KCNK10: variants seen among roughly 807,000 people sequenced by gnomAD.
KCNK10 encodes the protein potassium channel subfamily K member 10.
Under a neutral mutation model 47.7 loss-of-function variants are expected in KCNK10, and 25 were observed. That is an observed-to-expected ratio of 0.52 (90% CI 0.38 to 0.73). KCNK10 has a LOEUF of 0.73. KCNK10 is among the 30% of genes least tolerant of loss of function. KCNK10 has a pLI of 0.00. For synonymous variants in KCNK10, 303 were observed against 285.6 expected (o/e 1.06, Z -0.61); for missense variants, 563 against 714.5 (o/e 0.79, Z 2.42).
At position 88,323,005 on chromosome 14, in the gene KCNK10, C is replaced by A. The variant is rs999506725; in HGVS notation, c.-207G>T. The stretch of plus-strand genomic sequence containing the variant: ...CTGGAGAGGGCTTGGGTGTTTGCAC[C>A]GGCCAGGGGGTGGCCGGCCGCGGCC... On this transcript the variant is annotated 5_prime_UTR_variant, in exon 1 of 7. Transcript: ENST00000319231. 2.2e-6 allele frequency: 3 copies of A among 1,388,626 alleles called. No individual in the cohort carries two copies. The highest frequency in any genetic ancestry group is 2.9e-5 in the African/African-American group (2 of 68,514). 86.0% of individuals were successfully genotyped at this position (1,388,626 alleles called of 1,614,324 possible). A position where few individuals can be genotyped will look rare whatever the true frequency, so the allele number is the denominator to read the frequency against.
intron 6 of KCNK10, 54 bp downstream of exon 6, chr14:88,187,913 G>A (rs1343192548): frequency 2.5e-6 from 4 of 1,602,060 alleles, no homozygotes; most frequent in Non-Finnish European, 2.6e-6. Flanking sequence ...GGCAATTCTG[G>A]ACACAAGCTC....
chr14:88,194,909 G>A (rs1002647155), intron 4 of KCNK10, among the ~76,000 whole-genome samples: 1 of 152,010 alleles, frequency 6.6e-6, no homozygotes, highest in Non-Finnish European at 1.5e-5. Flanking sequence ...TGTGTGTGTA[G>A]GTGTATGAAA....
At chr14:88,323,398 C>T, upstream of KCNK10, 3 of 680,814 alleles carry the variant, frequency 4.4e-6, no homozygotes, top group Non-Finnish European at 5.4e-6. Flanking sequence ...GGTGGCGCGG[C>T]GCCCGGGCAG....
At chr14:88,298,923 G>A (rs922741889) in intron 1 of KCNK10, among the ~76,000 whole-genome samples, 1 of 152,040 alleles carries the variant, frequency 6.6e-6, no homozygotes, top group Non-Finnish European at 1.5e-5. Context: ...CCTCTCTGTT[G>A]TCATGATGAT....
At chr14:88,223,710 G>A (rs1376777857) in intron 4 of KCNK10, among the ~76,000 whole-genome samples, 2 of 152,114 alleles carry the variant, frequency 1.3e-5, no homozygotes, top group African/African-American at 4.8e-5. Flanking sequence ...AGGCGTTTTT[G>A]TTTGTTTGTT....
intron 1 of KCNK10, among the ~76,000 whole-genome samples, chr14:88,274,458 G>A (rs1202878015): frequency 2.0e-5 from 3 of 147,080 alleles, no homozygotes; most frequent in Non-Finnish European, 4.5e-5. Context: ...CTACTCAGGA[G>A]GCTGAGGCAG....
chr14:88,320,638 C>T (rs190635630), intron 1 of KCNK10, among the ~76,000 whole-genome samples: 32 of 152,296 alleles, frequency 2.1e-4, no homozygotes, highest in African/African-American at 7.2e-4. Context: ...CTTCACTTCA[C>T]TTCCACACAT....
chr14:88,187,343 G>T (rs1300824198), intron 6 of KCNK10, among the ~76,000 whole-genome samples: 1 of 151,394 alleles, frequency 6.6e-6, no homozygotes, highest in Non-Finnish European at 1.5e-5. Context: ...TCCTAAGAGA[G>T]CTACATGAAT....
chr14:88,190,091 T>C (rs1239291162), intron 5 of KCNK10, among the ~76,000 whole-genome samples: 1 of 152,196 alleles, frequency 6.6e-6, no homozygotes, highest in Non-Finnish European at 1.5e-5. Flanking sequence ...GGTAAAGTAC[T>C]AGTTTGTACT....
chr14:88,253,710 G>A (rs1886862328), intron 2 of KCNK10, among the ~76,000 whole-genome samples: 1 of 152,084 alleles, frequency 6.6e-6, no homozygotes, highest in Non-Finnish European at 1.5e-5. Context: ...GACCAGTCTG[G>A]CCAACCTGGC....
chr14:88,225,676 A>T (rs1055214147), intron 4 of KCNK10, among the ~76,000 whole-genome samples: 2 of 152,238 alleles, frequency 1.3e-5, no homozygotes, highest in African/African-American at 2.4e-5. Flanking sequence ...AGCTCTAAAG[A>T]AGCTACATAA....
upstream of KCNK10, chr14:88,323,742 A>T (rs1192713437): frequency 6.6e-6 from 1 of 152,196 alleles, no homozygotes; most frequent in Non-Finnish European, 1.5e-5. Context: ...AAGGCGCTGC[A>T]GGAGGCGGAG....
chr14:88,205,434 G>C (rs1445823334), intron 4 of KCNK10, among the ~76,000 whole-genome samples: 1 of 151,854 alleles, frequency 6.6e-6, no homozygotes, highest in Non-Finnish European at 1.5e-5. Context: ...TGCTCAACCT[G>C]CATCACTGTC....
At chr14:88,249,342 G>A (rs987845455) in intron 2 of KCNK10, among the ~76,000 whole-genome samples, 7 of 152,142 alleles carry the variant, frequency 4.6e-5, no homozygotes, top group Non-Finnish European at 7.4e-5. Flanking sequence ...GTTTTAGATC[G>A]AAAAGGGTGA....
chr14:88,231,903 G>T (rs1222437186), intron 3 of KCNK10, among the ~76,000 whole-genome samples: 4 of 152,190 alleles, frequency 2.6e-5, no homozygotes, highest in Non-Finnish European at 5.9e-5. Flanking sequence ...AAGGAGTAGC[G>T]CTGCTTTTCA....
chr14:88,191,004 TG>T (rs1884726593), intron 5 of KCNK10, among the ~76,000 whole-genome samples: 2 of 152,218 alleles, frequency 1.3e-5, no homozygotes, highest in African/African-American at 4.8e-5. Context: ...CCCAGCACTT[TG>T]GCAGGCCGAT....
At chr14:88,296,324 C>T (rs1887983497) in intron 1 of KCNK10, among the ~76,000 whole-genome samples, 1 of 152,114 alleles carries the variant, frequency 6.6e-6, no homozygotes, top group Non-Finnish European at 1.5e-5. Flanking sequence ...CTCTCTGAGC[C>T]CCAGTTTTAC....
chr14:88,301,039 A>T (rs1008163131), intron 1 of KCNK10, among the ~76,000 whole-genome samples: 1 of 152,204 alleles, frequency 6.6e-6, no homozygotes, highest in African/African-American at 2.4e-5. Context: ...GACCTTGTGG[A>T]AATTTATTTA....
intron 4 of KCNK10, among the ~76,000 whole-genome samples, chr14:88,221,361 A>G (rs558989477): frequency 6.6e-6 from 1 of 151,206 alleles, no homozygotes; most frequent in Admixed American, 6.6e-5. Context: ...TCTCAACAAT[A>G]AAGAAACAAA....
Sources: gnomAD v4.1 joint callset for allele counts (sites outside exome capture counted in the v4.1 genomes callset) on GRCh38, gnomAD v4.1.1 for gene constraint, MANE v1.5 for transcripts, NCBI Gene and HGNC (gene_info 2026-07-23, HGNC 2026-07-21) for gene names.